KDM4C: variants seen among roughly 807,000 people sequenced by gnomAD.
The protein encoded by KDM4C is lysine-specific demethylase 4C.
Under a neutral mutation model 129.3 loss-of-function variants are expected in KDM4C, and 81 were observed. The observed-to-expected ratio is 0.63, with a 90% CI of 0.52 to 0.75. KDM4C has a LOEUF of 0.75. Among genes scored for constraint, KDM4C ranks in the 30% least tolerant of loss-of-function variants. The pLI is 0.00. For missense variants in KDM4C, 1,457 were observed against 1,304.0 expected, an observed-to-expected ratio of 1.12 and a Z score of -1.81; for synonymous variants, 573 against 456.1, an observed-to-expected ratio of 1.26 and a Z score of -3.26.
At chr9:6,954,602 T>A (rs887492453) in intron 8 of KDM4C, among the ~76,000 whole-genome samples, 1 of 152,198 alleles carries the variant, frequency 6.6e-6, no homozygotes, top group Admixed American at 6.5e-5. Flanking sequence ...GTTAATAATG[T>A]GCAGGTTTCT....
chr9:7,094,916 G>A (rs1016434614), intron 17 of KDM4C, among the ~76,000 whole-genome samples: 7 of 152,180 alleles, frequency 4.6e-5, no homozygotes, highest in African/African-American at 1.7e-4. Context: ...AGGGTCAGAT[G>A]CACTCAGGGG....
In KDM4C at chr9:7,040,383, G is replaced by GTGTC. The variant is rs547513199; in HGVS notation, c.2260-6476_2260-6475insCTGT. Among the ~76,000 whole-genome samples the GTGTC allele has an allele frequency of 5.8e-3, 795 of 138,208 alleles. 7 individuals carry two copies. The highest frequency in any genetic ancestry group is 0.024 in the South Asian group (102 of 4,216). 90.7% of individuals were successfully genotyped at this position (138,208 alleles called of 152,430 possible). Reference sequence around the variant, plus strand: ...TCTACCCCACTCTGTGTGTGTGTGTGTGTGTGTGTGTGTGTGTGTGTGCGT... The same window carrying GTGTC: ...TCTACCCCACTCTGTGTGTGTGTGTGTGTCTGTGTGTGTGTGTGTGTGTGTGCGT... On this transcript the variant is annotated intron_variant, in intron 15 of 21. Transcript: ENST00000381309.
intron 17 of KDM4C, among the ~76,000 whole-genome samples, chr9:7,072,147 C>T (rs988797034): frequency 2.0e-5 from 3 of 152,112 alleles, no homozygotes; most frequent in Admixed American, 2.0e-4. Context: ...AGATAACTGA[C>T]AGTGTCAAGT....
intron 8 of KDM4C, among the ~76,000 whole-genome samples, chr9:6,924,066 T>C (rs1487401892): frequency 1.3e-5 from 2 of 152,220 alleles, no homozygotes; most frequent in Non-Finnish European, 2.9e-5. Context: ...TTACTTCTTA[T>C]AAAGCTCAGA....
At chr9:7,146,309 T>A (rs542120182) in intron 19 of KDM4C, among the ~76,000 whole-genome samples, 1 of 152,358 alleles carries the variant, frequency 6.6e-6, no homozygotes, top group East Asian at 1.9e-4. Flanking sequence ...AGTTTCCATA[T>A]GAACGTGTTT....
At chr9:7,128,006 C>T (rs1036658263) in intron 18 of KDM4C, 60 bp from the exon 19 acceptor site, 15 of 1,258,744 alleles carry the variant, frequency 1.2e-5, no homozygotes, top group Middle Eastern at 2.0e-4. Flanking sequence ...TTTTATTTTA[C>T]GTCCTTTCTT....
At chr9:7,066,446 C>T (rs1324012999) in intron 17 of KDM4C, among the ~76,000 whole-genome samples, 1 of 152,158 alleles carries the variant, frequency 6.6e-6, no homozygotes, top group Non-Finnish European at 1.5e-5. Context: ...ATATAATAAG[C>T]ATTTCTGTTT....
chr9:6,808,774 A>G (rs1830608919), intron 3 of KDM4C, among the ~76,000 whole-genome samples: 1 of 151,566 alleles, frequency 6.6e-6, no homozygotes, highest in South Asian at 2.1e-4. Flanking sequence ...AAGTGTAGCT[A>G]GCCTACACTC....
intron 4 of KDM4C, among the ~76,000 whole-genome samples, chr9:6,818,379 C>G (rs1285804507): frequency 6.6e-6 from 1 of 152,136 alleles, no homozygotes. Context: ...TTCTTATGAG[C>G]TAAATGTAAG....
At chr9:7,074,089 C>G (rs1833580322) in intron 17 of KDM4C, among the ~76,000 whole-genome samples, 1 of 152,108 alleles carries the variant, frequency 6.6e-6, no homozygotes, top group Non-Finnish European at 1.5e-5. Context: ...TGTAGTGCAT[C>G]TTACTTTATA....
intron 19 of KDM4C, 98 bp downstream of exon 19, chr9:7,128,334 T>A: frequency 1.2e-6 from 1 of 858,216 alleles, no homozygotes; most frequent in Non-Finnish European, 1.7e-6. Flanking sequence ...GCTTTTTGAG[T>A]AGCTCATTCA....
chr9:6,924,787 G>A (rs1028417582), intron 8 of KDM4C: 2 of 981,064 alleles, frequency 2.0e-6, no homozygotes, highest in Admixed American at 1.2e-4. Flanking sequence ...TATTTTCCCT[G>A]TATATTCTTT....
At chr9:6,937,975 G>C (rs1204268981) in intron 8 of KDM4C, among the ~76,000 whole-genome samples, 1 of 152,168 alleles carries the variant, frequency 6.6e-6, no homozygotes, top group Non-Finnish European at 1.5e-5. Flanking sequence ...GCCTCCCAAA[G>C]TGCTGGGATT....
In KDM4C at chr9:7,037,880, AG is replaced by A. The variant is rs1361572446; in HGVS notation, c.2260-8981del. Among the ~76,000 whole-genome samples, 3 of 152,266 alleles carry A rather than the reference AG, an allele frequency of 2.0e-5. No individual in the cohort carries two copies. The East Asian group carries it at 5.8e-4, about 29-fold the overall frequency. ...TTTTGGGGAACATTGGCTGACTAGC[AG>A]TATAGCCAGATCTTTGTAATAGTGA... On this transcript the variant is annotated intron_variant, in intron 15 of 21. Coordinates refer to ENST00000381309, the MANE Select transcript of KDM4C (RefSeq NM_015061.6).
intron 17 of KDM4C, among the ~76,000 whole-genome samples, chr9:7,059,946 T>A (rs1587344775): frequency 6.6e-6 from 1 of 152,234 alleles, no homozygotes; most frequent in Admixed American, 6.5e-5. Context: ...TAAATAGAAG[T>A]TTTTTGTGAT....
chr9:6,735,100 C>G, intron 1 of KDM4C: 1 of 400,324 alleles, frequency 2.5e-6, no homozygotes. Flanking sequence ...TATGCAATGA[C>G]TGGGCAGTGC....
intron 8 of KDM4C, among the ~76,000 whole-genome samples, chr9:6,978,324 A>G (rs1023868003): frequency 2.0e-5 from 3 of 149,540 alleles, no homozygotes; most frequent in Admixed American, 1.3e-4. Context: ...TTGCATAATA[A>G]TTCCAAATAA....
chr9:6,884,250 C>G (rs1844914349), intron 6 of KDM4C, among the ~76,000 whole-genome samples: 1 of 152,142 alleles, frequency 6.6e-6, no homozygotes, highest in Non-Finnish European at 1.5e-5. Flanking sequence ...TTAGCAAGCA[C>G]CAAGAGGCCA....
chr9:7,045,695 C>G (rs1385556191), intron 15 of KDM4C, among the ~76,000 whole-genome samples: 1 of 152,040 alleles, frequency 6.6e-6, no homozygotes. Flanking sequence ...TTTTACTACT[C>G]TGAATCCAGG....
Sources: gnomAD v4.1 joint callset for allele counts (sites outside exome capture counted in the v4.1 genomes callset) on GRCh38, gnomAD v4.1.1 for gene constraint, MANE v1.5 for transcripts, NCBI Gene and HGNC (gene_info 2026-07-23, HGNC 2026-07-21) for gene names.